XKR4: variants seen among roughly 807,000 people sequenced by gnomAD.
XKR4 encodes XK-related protein 4.
Under a neutral mutation model 53.9 loss-of-function variants are expected in XKR4, and 12 were observed. That is an observed-to-expected ratio of 0.22 (90% CI 0.14 to 0.36). XKR4 has a LOEUF of 0.36. Among genes scored for constraint, XKR4 ranks in the 10% least tolerant of loss-of-function variants. The pLI is 1.00. For synonymous variants in XKR4, 354 were observed against 362.4 expected, an observed-to-expected ratio of 0.98 and a Z score of 0.26; for missense variants, 799 against 859.5, an observed-to-expected ratio of 0.93 and a Z score of 0.88.
chr8:55,223,287 C>T (rs1399993401), intron 1 of XKR4, among the ~76,000 whole-genome samples: 1 of 152,188 alleles, frequency 6.6e-6, no homozygotes, highest in Non-Finnish European at 1.5e-5. Context: ...CTATAGATGC[C>T]TCCCATGGAA....
chr8:55,302,371 C>T (rs1435442523), intron 1 of XKR4, among the ~76,000 whole-genome samples: 1 of 150,948 alleles, frequency 6.6e-6, no homozygotes, highest in Non-Finnish European at 1.5e-5. Flanking sequence ...GTTTTGGTAC[C>T]AGTACCATGC....
intron 2 of XKR4, among the ~76,000 whole-genome samples, chr8:55,479,096 C>T (rs1256780901): frequency 6.6e-6 from 1 of 152,084 alleles, no homozygotes; most frequent in Admixed American, 6.5e-5. Context: ...ACAGAATATA[C>T]ATTCTTTTCA....
chr8:55,168,030 T>C (rs1050184116), intron 1 of XKR4, among the ~76,000 whole-genome samples: 59 of 152,228 alleles, frequency 3.9e-4, no homozygotes, highest in African/African-American at 1.4e-3. Flanking sequence ...TTTTGGGAGA[T>C]GATTTTATGG....
intron 1 of XKR4, among the ~76,000 whole-genome samples, chr8:55,236,953 C>A (rs1203112372): frequency 1.3e-5 from 2 of 152,206 alleles, no homozygotes; most frequent in Non-Finnish European, 2.9e-5. Context: ...TCAAAACCTT[C>A]TGGCAAGCTA....
chr8:55,242,935 T>A (rs915783405), intron 1 of XKR4, among the ~76,000 whole-genome samples: 1 of 152,162 alleles, frequency 6.6e-6, no homozygotes, highest in African/African-American at 2.4e-5. Context: ...AACTATGAAA[T>A]CACCAAAGTC....
At position 55,523,988 on chromosome 8, in the gene XKR4, G is replaced by A. The variant is rs1040008219; in HGVS notation, c.1714G>A (p.Val572Ile). The A allele has an allele frequency of 6.2e-7, 1 of 1,614,172 alleles. No individual in the cohort carries two copies. Among genetic ancestry groups the A allele is most frequent in the Non-Finnish European group, 8.5e-7 (1 of 1,180,038 alleles). Residue 572 changes from valine to isoleucine, a missense_variant, in exon 3 of 3, where the codon GTC becomes ATC. Val to Ile is a conservative substitution (Grantham distance 29). This residue lies in a region of XKR4 where 269 missense variants were observed against 264.4 expected (regional missense o/e 1.02). Transcript: ENST00000327381. ...CGCAGAGCGGGATGGGTGTGTACCT[G>A]TCTTTCAAGTGAGGCCCACTGCCCC... ...KFAERDGCVP[V>I]FQVRPTAPST...
chr8:55,408,267 A>C (rs1038153945), intron 2 of XKR4, among the ~76,000 whole-genome samples: 1 of 152,206 alleles, frequency 6.6e-6, no homozygotes, highest in Non-Finnish European at 1.5e-5. Flanking sequence ...AGTTGGTATG[A>C]TCATCCTGAT....
At chr8:55,498,449 G>A (rs574218459) in intron 2 of XKR4, among the ~76,000 whole-genome samples, 1 of 152,174 alleles carries the variant, frequency 6.6e-6, no homozygotes, top group South Asian at 2.1e-4. Context: ...TAGCAGGAAG[G>A]TTACAGTCTC....
At chr8:55,278,146 C>T (rs1013172945) in intron 1 of XKR4, among the ~76,000 whole-genome samples, 3 of 151,956 alleles carry the variant, frequency 2.0e-5, no homozygotes, top group Non-Finnish European at 4.4e-5. Flanking sequence ...ACCAGCCTGG[C>T]CAACGTGGCA....
intron 1 of XKR4, among the ~76,000 whole-genome samples, chr8:55,160,051 T>C (rs1182726368): frequency 2.0e-5 from 3 of 152,120 alleles, no homozygotes; most frequent in Non-Finnish European, 4.4e-5. Context: ...AAAGAAATGA[T>C]GTAGGAATGT....
At chr8:55,344,445 G>A (rs1442582851) in intron 1 of XKR4, among the ~76,000 whole-genome samples, 1 of 147,496 alleles carries the variant, frequency 6.8e-6, no homozygotes, top group Non-Finnish European at 1.5e-5. Flanking sequence ...TGTTAACCCT[G>A]TCTGTTTTTT....
intron 1 of XKR4, among the ~76,000 whole-genome samples, chr8:55,176,937 C>G (rs1024007693): frequency 6.6e-6 from 1 of 151,952 alleles, no homozygotes; most frequent in Admixed American, 6.6e-5. Flanking sequence ...TGTGCGCAGC[C>G]AAATCACAAA....
chr8:55,376,514 T>C (rs1804154032), intron 2 of XKR4, among the ~76,000 whole-genome samples: 1 of 152,202 alleles, frequency 6.6e-6, no homozygotes, highest in South Asian at 2.1e-4. Flanking sequence ...ATTGGCCACA[T>C]GTATGTCTTT....
chr8:55,500,181 C>CAAAAAAAAA (rs36233927), intron 2 of XKR4, among the ~76,000 whole-genome samples: 4 of 115,584 alleles, frequency 3.5e-5, no homozygotes, highest in African/African-American at 1.6e-4. Flanking sequence ...CAAATTGGGC[C>CAAAAAAAAA]AAAAAAAAAA....
chr8:55,239,383 T>C (rs989903117), intron 1 of XKR4, among the ~76,000 whole-genome samples: 2 of 152,258 alleles, frequency 1.3e-5, no homozygotes, highest in African/African-American at 4.8e-5. Flanking sequence ...CTTTTTTATA[T>C]GCAAAAGACA....
chr8:55,467,687 G>T (rs928390050), intron 2 of XKR4, among the ~76,000 whole-genome samples: 1 of 152,146 alleles, frequency 6.6e-6, no homozygotes, highest in Non-Finnish European at 1.5e-5. Context: ...GGCAAATGTT[G>T]TTGGCTTGGA....
intron 1 of XKR4, among the ~76,000 whole-genome samples, chr8:55,319,954 A>G (rs1455160431): frequency 1.3e-5 from 2 of 152,210 alleles, no homozygotes; most frequent in Non-Finnish European, 2.9e-5. Context: ...ATGTAGAATA[A>G]GGGTGAACCT....
chr8:55,491,566 C>G (rs1276136494), intron 2 of XKR4, among the ~76,000 whole-genome samples: 1 of 152,234 alleles, frequency 6.6e-6, no homozygotes, highest in East Asian at 1.9e-4. Flanking sequence ...TAAGACATAG[C>G]CTTCTGGGGT....
At chr8:55,304,832 T>G (rs1158937781) in intron 1 of XKR4, among the ~76,000 whole-genome samples, 1 of 152,168 alleles carries the variant, frequency 6.6e-6, no homozygotes, top group Non-Finnish European at 1.5e-5. Flanking sequence ...TGCCTTTTTT[T>G]GTTTTCTATT....
Sources: allele counts gnomAD v4.1 joint callset (sites outside exome capture counted in the v4.1 genomes callset), GRCh38; gene constraint gnomAD v4.1.1; regional missense constraint gnomAD v4.1.1; transcripts MANE v1.5; gene names NCBI Gene and HGNC (gene_info 2026-07-23, HGNC 2026-07-21).